TEAD4: variants seen among roughly 807,000 people sequenced by gnomAD.
TEAD4 encodes transcriptional enhancer factor TEF-3.
In TEAD4, 36 loss-of-function variants were observed where a neutral mutation model predicts 52.4. That is an observed-to-expected ratio of 0.69 (90% CI 0.53 to 0.91). TEAD4 has a LOEUF of 0.91. Among genes scored for constraint, TEAD4 ranks in the 40% least tolerant of loss-of-function variants. TEAD4 has a pLI of 0.00. For synonymous variants in TEAD4, 220 were observed against 231.0 expected (o/e 0.95, Z 0.43); for missense variants, 508 against 583.9 (o/e 0.87, Z 1.34).
At chr12:3,015,599 G>A (rs543112858) in intron 5 of TEAD4, among the ~76,000 whole-genome samples, 13 of 152,382 alleles carry the variant, frequency 8.5e-5, no homozygotes, top group South Asian at 8.3e-4. Context: ...TGTGGACCGC[G>A]TGGAGGCATC....
In TEAD4 at chr12:3,022,005, T is replaced by A. The variant is rs1251918788; in HGVS notation, c.885T>A (p.Leu295=). The A allele has an allele frequency of 6.2e-7, 1 of 1,614,132 alleles. No homozygotes were observed. Among genetic ancestry groups the A allele is most frequent in the South Asian group, 1.1e-5 (1 of 91,082 alleles). The change falls in exon 10 of 13, where the codon CTT becomes CTA. Residue 295 remains leucine (L), a synonymous_variant. Transcript: ENST00000359864. ...GGGGACCCTCCAATGCCTTTTTTCT[T>A]GTGAAGTTCTGGGTAAGCCTGTGAT... is the stretch of plus-strand genomic sequence containing the variant.
At chr12:2,995,821 A>G (rs1231744188) in intron 3 of TEAD4, among the ~76,000 whole-genome samples, 1 of 152,136 alleles carries the variant, frequency 6.6e-6, no homozygotes, top group African/African-American at 2.4e-5. Flanking sequence ...AGCCTGGGCA[A>G]CAAAGCGAGA....
chr12:3,006,978 A>G lies in TEAD4; in HGVS notation c.227-4026A>G, dbSNP rs2098256444. 2.6e-5 allele frequency among the ~76,000 whole-genome samples: 4 copies of G among 152,104 alleles called. No homozygotes were observed. The South Asian group carries it at 8.3e-4, about 32-fold the overall frequency. The stretch of plus-strand genomic sequence containing the variant: ...GAGGTGGAGGTTGCGGTAAGCCGAG[A>G]TCACACCAGCTGCACTTCAGCCTGG... On this transcript the variant is annotated intron_variant, in intron 3 of 12. Coordinates refer to ENST00000359864, the MANE Select transcript of TEAD4 (RefSeq NM_003213.4).
intron 2 of TEAD4, among the ~76,000 whole-genome samples, chr12:2,961,966 C>G (rs1355621544): frequency 1.3e-5 from 2 of 151,948 alleles, no homozygotes; most frequent in East Asian, 3.9e-4. Context: ...GGGAGGGGGA[C>G]AGACAGGGCT....
rs545009805 is a variant in TEAD4, at chr12:3,009,344, C to A, written c.227-1660C>A. 2.0e-5 allele frequency among the ~76,000 whole-genome samples: 3 copies of A among 152,328 alleles called. No individual in the cohort carries two copies. In the South Asian group the frequency reaches 6.2e-4, roughly 32 times the overall value. ...ACTTGGGAGGCTGAGGCAGGAGAAT[C>A]GCTTGAACCCGGGAGGCGGAGGTTG... is the stretch of plus-strand genomic sequence containing the variant. On this transcript the variant is annotated intron_variant, in intron 3 of 12. Transcript: ENST00000359864.
chr12:3,023,562 C>A (rs1027690674), intron 10 of TEAD4, among the ~76,000 whole-genome samples: 16 of 150,620 alleles, frequency 1.1e-4, no homozygotes, highest in Non-Finnish European at 1.6e-4. Context: ...CTGAGGCGGG[C>A]AGATCACAAG....
rs1442003417 is a variant in TEAD4 at position 2,994,375 on chromosome 12, CT to C, written c.-29-362del. ...ACAGGCGTGAGCCACAGCGCCCGGC[CT>C]GTACCATTTTGCATTCCCACCAACA... On this transcript the variant is annotated intron_variant, in intron 2 of 12. Transcript: ENST00000359864. This position sits in a 1 kb window ranked among gnomAD's most constrained non-coding sequence, Gnocchi z 4.7. 6.6e-6 allele frequency among the ~76,000 whole-genome samples: 1 copy of C among 152,212 alleles called. No individual in the cohort carries two copies. Among genetic ancestry groups the C allele is most frequent in the Non-Finnish European group, 1.5e-5 (1 of 68,038 alleles).
chr12:3,027,908 C>CA (rs1243380801), intron 10 of TEAD4, among the ~76,000 whole-genome samples: 1 of 152,152 alleles, frequency 6.6e-6, no homozygotes, highest in African/African-American at 2.4e-5. Flanking sequence ...AGTATATTCA[C>CA]AAAGTTGTGC....
rs926330848 is a variant in TEAD4 at position 2,994,177 on chromosome 12, C to G, written c.-29-561C>G. On this transcript the variant is annotated intron_variant, in intron 2 of 12. Coordinates refer to ENST00000359864, the MANE Select transcript of TEAD4 (RefSeq NM_003213.4). This position sits in a 1 kb window ranked among gnomAD's most constrained non-coding sequence, Gnocchi z 4.7. ...GCAACCTCTGCTTCTCGGATTCAAG[C>G]GATTCTCCTTGTCTGAGCCTCCCGA... Among the ~76,000 whole-genome samples, 2 of 152,094 alleles carry G rather than the reference C, an allele frequency of 1.3e-5. No homozygotes were observed. The highest frequency in any genetic ancestry group is 2.9e-5 in the Non-Finnish European group (2 of 68,010).
rs891022543 is a variant in TEAD4, at chr12:2,994,436, C to T, written c.-29-302C>T. On this transcript the variant is annotated intron_variant, in intron 2 of 12. Transcript: ENST00000359864. The surrounding 1 kb of genome is among the most constrained non-coding windows in gnomAD (Gnocchi z 4.7). ...ATTTTGCATGCTTTTTGCCCAGGGT[C>T]GATTTAATGTCAGTGCATCCCCGGC... Among the ~76,000 whole-genome samples, 58 of 152,262 alleles carry T rather than the reference C, an allele frequency of 3.8e-4. No individual in the cohort carries two copies. The highest frequency in any genetic ancestry group is 1.4e-3 in the African/African-American group (57 of 41,558).
intron 10 of TEAD4, among the ~76,000 whole-genome samples, chr12:3,027,650 T>TGA (rs1300669130): frequency 6.6e-6 from 1 of 152,160 alleles, no homozygotes; most frequent in Non-Finnish European, 1.5e-5. Context: ...GTGGATTGCT[T>TGA]GAGTCCATGA....
At chr12:2,998,913 A>G (rs1413321030) in intron 3 of TEAD4, among the ~76,000 whole-genome samples, 1 of 151,896 alleles carries the variant, frequency 6.6e-6, no homozygotes, top group East Asian at 1.9e-4. Flanking sequence ...CCCAGCCCCC[A>G]CAGCACCTGT....
chr12:2,977,957 T>TGGCCC (rs1278566468), intron 2 of TEAD4, among the ~76,000 whole-genome samples: 1 of 152,220 alleles, frequency 6.6e-6, no homozygotes, highest in East Asian at 1.9e-4. Context: ...GTACACAGCC[T>TGGCCC]GGCCCGGCCC....
At chr12:2,976,008 ATTT>A (rs61140040) in intron 2 of TEAD4, among the ~76,000 whole-genome samples, 120,229 of 145,540 alleles carry the variant, frequency 0.83, 50,241 homozygotes, top group Middle Eastern at 0.91. Context: ...TTCATAGCTC[ATTT>A]TTTTTTTTTT....
chr12:2,962,333 A>ATATAAATATAT lies in TEAD4; in HGVS notation c.-30+2293_-30+2294insTATAAATATAT, dbSNP rs1565518244. 5.7e-3 allele frequency among the ~76,000 whole-genome samples: 215 copies of ATATAAATATAT among 38,036 alleles called. 3 individuals carry two copies. The highest frequency in any genetic ancestry group is 0.011 in the African/African-American group (207 of 18,494). The allele number at this position is 38,036 out of a possible 152,430, so 25.0% of individuals were successfully genotyped here. On this transcript the variant is annotated intron_variant, in intron 2 of 12. Transcript: ENST00000359864. ...ATATATAAATATATATATAAATATA[A>ATATAAATATAT]ATATATATATATATTTTTTGAGATG...
intron 8 of TEAD4, among the ~76,000 whole-genome samples, chr12:3,020,229 T>C (rs553647364): frequency 6.6e-6 from 1 of 152,322 alleles, no homozygotes; most frequent in Non-Finnish European, 1.5e-5. Context: ...TCCCCGTCTC[T>C]CCGGGATGAT....
At chr12:3,010,867 A>G in intron 3 of TEAD4, 137 bp from the exon 4 acceptor site, 1 of 877,024 alleles carries the variant, frequency 1.1e-6, no homozygotes, top group Non-Finnish European at 1.8e-6. Flanking sequence ...GAACCCACAG[A>G]ATCCTCACCC....
intron 2 of TEAD4, among the ~76,000 whole-genome samples, chr12:2,977,671 A>G (rs1348110851): frequency 6.6e-6 from 1 of 152,204 alleles, no homozygotes; most frequent in Non-Finnish European, 1.5e-5. Flanking sequence ...ACAGCTGTGC[A>G]ACGTAGCTGG....
chr12:2,962,200 C>CT (rs1254525181), intron 2 of TEAD4, among the ~76,000 whole-genome samples: 1 of 148,788 alleles, frequency 6.7e-6, no homozygotes, highest in African/African-American at 2.4e-5. Context: ...TCTTGGCTCA[C>CT]TGCAACCTCC....
Sources: gnomAD v4.1 joint callset for allele counts (sites outside exome capture counted in the v4.1 genomes callset) on GRCh38, gnomAD v4.1.1 for gene constraint, Gnocchi (gnomAD v3.1) non-coding constraint, MANE v1.5 for transcripts, NCBI Gene and HGNC (gene_info 2026-07-23, HGNC 2026-07-21) for gene names.